The following LIN7C variants were observed in gnomAD, a reference collection of about 807,000 sequenced individuals.
LIN7C encodes protein lin-7 homolog C.
In LIN7C, 17 loss-of-function variants were observed where a neutral mutation model predicts 24.7. The observed-to-expected ratio is 0.69, with a 90% CI of 0.47 to 1.03. The LOEUF is 1.03. Among genes scored for constraint, LIN7C ranks in the 50% least tolerant of loss-of-function variants. LIN7C has a pLI of 0.00. For missense variants in LIN7C, 204 were observed against 239.0 expected (o/e 0.85, Z 0.97); for synonymous variants, 90 against 83.4 (o/e 1.08, Z -0.43).
At position 27,506,729 on chromosome 11, in the gene LIN7C, C is replaced by A. The variant is rs752697066; in HGVS notation, c.24G>T (p.Val8=). MAALGEP[V]RLERDICRAI... is the part of the protein sequence containing the mutation. ...GGCTGCACTCACCTCTCTCCAGCCG[C>A]ACGGGTTCCCCTAGCGCCGCCATCT... Residue 8 remains valine (V), a synonymous_variant, in exon 1 of 5, where the codon GTG becomes GTT. Coordinates refer to ENST00000278193, the MANE Select transcript of LIN7C (RefSeq NM_018362.4). 1.2e-6 allele frequency: 2 copies of A among 1,614,062 alleles called. No homozygotes were observed. The highest frequency in any genetic ancestry group is 1.3e-5 in the African/African-American group (1 of 75,036).
At position 27,494,554 on chromosome 11, in the gene LIN7C, T is replaced by C. The variant is rs1020881198; in HGVS notation, c.*4095A>G. On this transcript the variant is annotated 3_prime_UTR_variant, in exon 5 of 5. Coordinates refer to ENST00000278193, the MANE Select transcript of LIN7C (RefSeq NM_018362.4). Reference sequence around the variant, plus strand: ...TATTGTGTAGTTATATCAACTTTTTTCAAATCCAAAGAACGAGGACATAAC... The same window carrying C: ...TATTGTGTAGTTATATCAACTTTTTCCAAATCCAAAGAACGAGGACATAAC... The C allele has an allele frequency of 2.6e-5, 4 of 152,234 alleles. No homozygotes were observed. Among genetic ancestry groups the C allele is most frequent in the Non-Finnish European group, 5.9e-5 (4 of 68,038 alleles). The allele number at this position is 152,234 out of a possible 1,614,324, so 9.4% of individuals were successfully genotyped here. A position where few individuals can be genotyped will look rare whatever the true frequency, so the allele number is the denominator to read the frequency against.
chr11:27,506,189 C>T (rs1338566038), intron 1 of LIN7C, among the ~76,000 whole-genome samples: 1 of 152,214 alleles, frequency 6.6e-6, no homozygotes, highest in Non-Finnish European at 1.5e-5. Flanking sequence ...TTAAAGCAAC[C>T]TCTCCATTTC....
Position 27,498,615 on chromosome 11 carries a change from A to G in LIN7C, c.*34T>C. ...GTCACAAGGAAAACTTCTCTAGCTAAAACGCAAAATGAAATATCAAGTTTT... is the reference window on the plus strand; with the variant it reads ...GTCACAAGGAAAACTTCTCTAGCTAGAACGCAAAATGAAATATCAAGTTTT... On this transcript the variant is annotated 3_prime_UTR_variant, in exon 5 of 5. Coordinates refer to ENST00000278193, the MANE Select transcript of LIN7C (RefSeq NM_018362.4). 2 of 1,596,182 alleles carry G rather than the reference A, an allele frequency of 1.3e-6. No homozygotes were observed. The highest frequency in any genetic ancestry group is 1.7e-6 in the Non-Finnish European group (2 of 1,170,022).
intron 1 of LIN7C, among the ~76,000 whole-genome samples, chr11:27,503,116 C>CA (rs1369872166): frequency 6.6e-6 from 1 of 151,788 alleles, no homozygotes; most frequent in Admixed American, 6.6e-5. Flanking sequence ...ACTCCATCTA[C>CA]AAAAAACCAA....
intron 1 of LIN7C, among the ~76,000 whole-genome samples, chr11:27,506,398 G>A (rs1290612553): frequency 1.3e-5 from 2 of 152,178 alleles, no homozygotes. Context: ...TCGGGTGTAC[G>A]GGTCTCCGAA....
intron 1 of LIN7C, among the ~76,000 whole-genome samples, chr11:27,503,758 C>A (rs1050394290): frequency 1.3e-5 from 2 of 151,962 alleles, no homozygotes; most frequent in Non-Finnish European, 2.9e-5. Context: ...ATGATCCACC[C>A]ACCTCAGCTT....
At chr11:27,499,109 A>T (rs1865196803) in intron 4 of LIN7C, among the ~76,000 whole-genome samples, 1 of 152,216 alleles carries the variant, frequency 6.6e-6, no homozygotes, top group Non-Finnish European at 1.5e-5. Context: ...AAATGAGGGT[A>T]GACTTCTAAT....
At chr11:27,499,613 T>C (rs867532810) in intron 3 of LIN7C, 45 bp from the exon 4 acceptor site, 1 of 1,521,478 alleles carries the variant, frequency 6.6e-7, no homozygotes, top group Middle Eastern at 1.7e-4. Flanking sequence ...TTTATTTACT[T>C]CAGTTCTTTC....
In LIN7C at chr11:27,496,283, A is replaced by T. The variant is rs1229490637; in HGVS notation, c.*2366T>A. ...AATCACTAAGTCAACACATTTTGATATATCAAGAAAATAAATGGAAATGGG... is the reference window on the plus strand; with the variant it reads ...AATCACTAAGTCAACACATTTTGATTTATCAAGAAAATAAATGGAAATGGG... On this transcript the variant is annotated 3_prime_UTR_variant, in exon 5 of 5. Coordinates refer to ENST00000278193, the MANE Select transcript of LIN7C (RefSeq NM_018362.4). 6.6e-6 allele frequency: 1 copy of T among 152,212 alleles called. No homozygotes were observed. Among genetic ancestry groups the T allele is most frequent in the East Asian group, 1.9e-4 (1 of 5,198 alleles). 9.4% of individuals were successfully genotyped at this position (152,212 alleles called of 1,614,324 possible). A position where few individuals can be genotyped will look rare whatever the true frequency, so the allele number is the denominator to read the frequency against.
rs1468980136 is a variant in LIN7C, at chr11:27,498,534, T to C, written c.*115A>G. The C allele has an allele frequency of 1.3e-5, 13 of 963,102 alleles. No individual in the cohort carries two copies. The highest frequency in any genetic ancestry group is 2.5e-5 in the East Asian group (1 of 40,722). The allele number at this position is 963,102 out of a possible 1,614,324, so 59.7% of individuals were successfully genotyped here. A position where few individuals can be genotyped will look rare whatever the true frequency, so the allele number is the denominator to read the frequency against. On this transcript the variant is annotated 3_prime_UTR_variant, in exon 5 of 5. Coordinates refer to ENST00000278193, the MANE Select transcript of LIN7C (RefSeq NM_018362.4). ...GGCATTTATAAAATGACAAGGAGAA[T>C]TTCATGATAAATTTGTTTGTTTTCT...
intron 1 of LIN7C, among the ~76,000 whole-genome samples, chr11:27,504,400 TTGATGATTTAGAAGGCAC>T (rs1195104934): frequency 6.6e-6 from 1 of 152,232 alleles, no homozygotes; most frequent in Non-Finnish European, 1.5e-5. Flanking sequence ...AAATCATAGT[TTGATGATTTAGAAGGCAC>T]TCTAAATCAT....
At chr11:27,499,799 A>ATT (rs35138390) in intron 3 of LIN7C, among the ~76,000 whole-genome samples, 3 of 150,244 alleles carry the variant, frequency 2.0e-5, no homozygotes, top group East Asian at 2.0e-4. Flanking sequence ...ATTTTTTTGT[A>ATT]TTTTTTTTTA....
chr11:27,499,870 G>A (rs1345389209), intron 3 of LIN7C, among the ~76,000 whole-genome samples: 2 of 152,004 alleles, frequency 1.3e-5, no homozygotes, highest in East Asian at 3.9e-4. Flanking sequence ...CTCGTGATCC[G>A]CCCGCCTTGG....
In LIN7C at chr11:27,501,813, C is replaced by A. The variant is rs1350371877; in HGVS notation, c.145G>T (p.Ala49Ser). 3 of 1,603,144 alleles carry A rather than the reference C, an allele frequency of 1.9e-6. No individual in the cohort carries two copies. The Admixed American group carries it at 5.0e-5, about 27-fold the overall frequency. The change falls in exon 2 of 5, where the codon GCT (alanine) becomes TCT (serine). Residue 49 changes from alanine to serine, a missense_variant. Coordinates refer to ENST00000278193, the MANE Select transcript of LIN7C (RefSeq NM_018362.4). ...TGATGTTTACTCACCTCTCTCACAG[C>A]ATTGCAGAATTCACTTTGAAGGACT... Reference protein sequence around the residue: ...QRVLQSEFCNAVREVYEHVYE... With the variant: ...QRVLQSEFCNSVREVYEHVYE...
At position 27,498,245 on chromosome 11, in the gene LIN7C, C is replaced by CA. The variant is rs1028761873; in HGVS notation, c.*403dup. On this transcript the variant is annotated 3_prime_UTR_variant, in exon 5 of 5. Transcript: ENST00000278193. ...CACAGGTTAAAAAAAATAGAGTAAG[C>CA]AAAAAAAAAGAATTGGAGAACTTTA... The CA allele has an allele frequency of 1.3e-4, 20 of 149,092 alleles. No homozygotes were observed. Among genetic ancestry groups the CA allele is most frequent in the South Asian group, 2.1e-4 (1 of 4,736 alleles). The allele number at this position is 149,092 out of a possible 1,614,324, so 9.2% of individuals were successfully genotyped here.
chr11:27,501,520 T>G lies in LIN7C; in HGVS notation c.203A>C (p.Glu68Ala), dbSNP rs1865226094. The change falls in exon 3 of 5, where the codon GAA (glutamate) becomes GCA (alanine). Residue 68 changes from glutamate (E) to alanine (A), a missense_variant. Transcript: ENST00000278193. ...YETVDISSSP[E>A]VRANATAKAT... ...CTTTGCAGTAGCGTTCGCTCTCACT[T>G]CAGGACTGCTACTGATGTCCACAGT... is the stretch of plus-strand genomic sequence containing the variant. 6.2e-7 allele frequency: 1 copy of G among 1,604,154 alleles called. No individual in the cohort carries two copies. Among genetic ancestry groups the G allele is most frequent in the Non-Finnish European group, 8.5e-7 (1 of 1,177,506 alleles).
intron 1 of LIN7C, 80 bp from the exon 2 acceptor site, chr11:27,502,000 A>G: frequency 1.2e-6 from 1 of 835,488 alleles, no homozygotes; most frequent in Non-Finnish European, 2.0e-6. Context: ...GTTAGGATTC[A>G]TTCCTCAAGG....
Position 27,498,745 on chromosome 11 carries a change from C to G in LIN7C, c.498G>C (p.Lys166Asn). The G allele has an allele frequency of 6.2e-7, 1 of 1,613,962 alleles. No individual in the cohort carries two copies. The stretch of plus-strand genomic sequence containing the variant: ...GTGTGTATCGTACCACTAATTTAAC[C>G]TTTCCTTGTGCGGCTTTCAGCAGTT... ...AVELLKAAQG[K>N]VKLVVRYTPK... The change falls in exon 5 of 5, where the codon AAG becomes AAC. Residue 166 changes from lysine (K) to asparagine (N), a missense_variant. By Grantham distance (94) the Lys-to-Asn change is moderately conservative. This residue lies in a region of LIN7C where 74 missense variants were observed against 99.6 expected (regional missense o/e 0.74). Coordinates refer to ENST00000278193, the MANE Select transcript of LIN7C (RefSeq NM_018362.4).
At position 27,501,927 on chromosome 11, in the gene LIN7C, T is replaced by C; in HGVS notation, c.38-7A>G. ...TCAATTGCTCTACAAATATCTAGAG[T>C]TAAACACACACACAGATAATTTTCT... On this transcript the variant is annotated splice_polypyrimidine_tract_variant and splice_region_variant and intron_variant, in intron 1 of 4. Coordinates refer to ENST00000278193, the MANE Select transcript of LIN7C (RefSeq NM_018362.4). 6 of 1,499,258 alleles carry C rather than the reference T, an allele frequency of 4.0e-6. No homozygotes were observed. The highest frequency in any genetic ancestry group is 5.6e-6 in the Non-Finnish European group (6 of 1,076,614). 92.9% of individuals were successfully genotyped at this position (1,499,258 alleles called of 1,614,324 possible).
Sources: allele counts gnomAD v4.1 joint callset (sites outside exome capture counted in the v4.1 genomes callset), GRCh38; gene constraint gnomAD v4.1.1; regional missense constraint gnomAD v4.1.1; transcripts MANE v1.5; gene names NCBI Gene and HGNC (gene_info 2026-07-23, HGNC 2026-07-21).